Variants in AMPH observed in about 807,000 individuals in gnomAD.
AMPH encodes the protein amphiphysin, also known as amphiphysin (Stiff-Mann syndrome with breast cancer 128kD autoantigen).
A neutral mutation model predicts 99.1 loss-of-function variants in AMPH; 49 were observed. That is an observed-to-expected ratio of 0.49 (90% CI 0.39 to 0.63). AMPH has a LOEUF of 0.63. AMPH is among the 20% of genes least tolerant of loss of function. AMPH has a pLI of 0.00. For missense variants in AMPH, 759 were observed against 863.4 expected, an observed-to-expected ratio of 0.88 and a Z score of 1.52; for synonymous variants, 314 against 317.3, an observed-to-expected ratio of 0.99 and a Z score of 0.11.
chr7:38,429,255 G>C (rs1248713925), intron 14 of AMPH: 7 of 1,286,394 alleles, frequency 5.4e-6, no homozygotes, highest in Non-Finnish European at 7.1e-6. Flanking sequence ...CTCCGGCGCA[G>C]GCTTTGGGGG....
intron 11 of AMPH, among the ~76,000 whole-genome samples, chr7:38,446,273 T>A (rs1309621416): frequency 6.6e-6 from 1 of 152,194 alleles, no homozygotes; most frequent in Non-Finnish European, 1.5e-5. Context: ...AAAATTAAAT[T>A]TATTCCTAAC....
intron 2 of AMPH, among the ~76,000 whole-genome samples, chr7:38,504,542 G>A (rs754475493): frequency 1.6e-4 from 25 of 152,180 alleles, no homozygotes; most frequent in Non-Finnish European, 3.1e-4. Flanking sequence ...ACCACTGTGG[G>A]CAACTGGACC....
intron 1 of AMPH, among the ~76,000 whole-genome samples, chr7:38,611,950 G>A (rs189580633): frequency 6.6e-5 from 10 of 152,152 alleles, no homozygotes; most frequent in African/African-American, 1.7e-4. Context: ...CCTCAAACAC[G>A]GTCTGTCTAC....
intron 1 of AMPH, among the ~76,000 whole-genome samples, chr7:38,598,837 G>GT (rs145170608): frequency 0.15 from 23,180 of 151,886 alleles, 2,068 homozygotes; most frequent in Non-Finnish European, 0.21. Flanking sequence ...ATTTCTGCTT[G>GT]TAATCTTGAT....
Position 38,465,506 on chromosome 7 carries a change from TG to T in AMPH, c.709del (p.Gln237SerfsTer45). 1 of 1,586,122 alleles carries T rather than the reference TG, an allele frequency of 6.3e-7. No individual in the cohort carries two copies. The highest frequency in any genetic ancestry group is 8.6e-7 in the Non-Finnish European group (1 of 1,164,482). ...GATGGTGAAGGCCTTGTCGGCGTGC[TG>T]GTCACCCAGTTTTGTCATCACTTCA... ...LYEVMTKLGDQHADKAFTIQG... is the reference protein window; with the variant it reads ...LYEVMTKLGDXHADKAFTIQG... On this transcript the variant is annotated frameshift_variant, in exon 9 of 21. Transcript: ENST00000356264. LOFTEE classifies it high-confidence loss of function.
intron 17 of AMPH, among the ~76,000 whole-genome samples, chr7:38,397,331 C>A (rs556191831): frequency 6.6e-6 from 1 of 152,282 alleles, no homozygotes; most frequent in Non-Finnish European, 1.5e-5. Flanking sequence ...ATTTTTTAAA[C>A]TTGTTCCATA....
At chr7:38,614,492 T>A (rs1793801726) in intron 1 of AMPH, among the ~76,000 whole-genome samples, 1 of 152,324 alleles carries the variant, frequency 6.6e-6, no homozygotes, top group East Asian at 1.9e-4. Flanking sequence ...AGTTCTCTGA[T>A]GGCCTGGGAA....
intron 5 of AMPH, among the ~76,000 whole-genome samples, chr7:38,490,366 A>G (rs1365215129): frequency 2.6e-5 from 4 of 152,146 alleles, no homozygotes; most frequent in Non-Finnish European, 4.4e-5. Context: ...AGTTTCATTT[A>G]CCATATACCA....
At chr7:38,416,684 A>G (rs1160408028) in intron 17 of AMPH, among the ~76,000 whole-genome samples, 8 of 152,204 alleles carry the variant, frequency 5.3e-5, no homozygotes, top group African/African-American at 1.7e-4. Flanking sequence ...GTGAGTAGAC[A>G]GATCACCATT....
intron 5 of AMPH, among the ~76,000 whole-genome samples, chr7:38,484,064 T>A (rs1788395675): frequency 6.6e-6 from 1 of 151,944 alleles, no homozygotes. Context: ...AATCATTTGG[T>A]CAGAGGAACA....
At position 38,600,267 on chromosome 7, in the gene AMPH, A is replaced by G. The variant is rs10280572; in HGVS notation, c.69+31016T>C. On this transcript the variant is annotated intron_variant, in intron 1 of 20. Transcript: ENST00000356264. ...ATCATGAGTTTTAAGCAAATATTTA[A>G]ATTTTTCTTTGTATCTGTTTATCAT... Among the ~76,000 whole-genome samples, 193 of 152,224 alleles carry G rather than the reference A, an allele frequency of 1.3e-3. 2 individuals carry two copies. In the South Asian group the frequency reaches 0.024, roughly 19 times the overall value.
intron 2 of AMPH, among the ~76,000 whole-genome samples, chr7:38,518,733 T>C (rs768002517): frequency 8.5e-5 from 13 of 152,184 alleles, no homozygotes; most frequent in Non-Finnish European, 1.9e-4. Context: ...CATCCACATA[T>C]GATTTATACA....
intron 1 of AMPH, among the ~76,000 whole-genome samples, chr7:38,588,104 C>T (rs1792731674): frequency 6.6e-6 from 1 of 152,010 alleles, no homozygotes; most frequent in Non-Finnish European, 1.5e-5. Context: ...GTGTGCGCCA[C>T]CTCACCTGGC....
intron 17 of AMPH, among the ~76,000 whole-genome samples, chr7:38,407,881 T>C (rs1480143426): frequency 1.3e-5 from 2 of 152,216 alleles, no homozygotes; most frequent in Non-Finnish European, 2.9e-5. Context: ...CTGATTCTGA[T>C]TCATAAGCAG....
At chr7:38,463,383 C>T (rs1268878775) in intron 9 of AMPH, among the ~76,000 whole-genome samples, 1 of 152,134 alleles carries the variant, frequency 6.6e-6, no homozygotes, top group African/African-American at 2.4e-5. Flanking sequence ...TAAAGTGGGG[C>T]ATAGATAGGT....
At chr7:38,446,428 C>T (rs759665817) in intron 11 of AMPH, among the ~76,000 whole-genome samples, 4 of 152,078 alleles carry the variant, frequency 2.6e-5, no homozygotes, top group Non-Finnish European at 5.9e-5. Context: ...CATCAGATAA[C>T]TTGTGATATA....
chr7:38,618,372 C>T lies in AMPH; in HGVS notation c.69+12911G>A, dbSNP rs1237385707. On this transcript the variant is annotated intron_variant, in intron 1 of 20. Coordinates refer to ENST00000356264, the MANE Select transcript of AMPH (RefSeq NM_001635.4). ...CAAAAAAAAAAAAAAATTAGCCACG[C>T]GTGGTGGCATGCACCTGTAGTCCCA... Among the ~76,000 whole-genome samples the T allele has an allele frequency of 7.9e-5, 12 of 151,620 alleles. No homozygotes were observed. The South Asian group carries it at 1.5e-3, about 18-fold the overall frequency.
rs1206301631 is a variant in AMPH, at chr7:38,527,006, T to C, written c.150+7925A>G. ...GGATGCCCAGTTACTATGGCACCGT[T>C]TGTTGAAAGGTTATCTTTCTTCCAC... On this transcript the variant is annotated intron_variant, in intron 2 of 20. Transcript: ENST00000356264. 3.9e-5 allele frequency among the ~76,000 whole-genome samples: 6 copies of C among 152,374 alleles called. No homozygotes were observed. In the East Asian group the frequency reaches 1.2e-3, roughly 29 times the overall value.
At chr7:38,397,045 C>G (rs1431073992) in intron 17 of AMPH, among the ~76,000 whole-genome samples, 1 of 152,194 alleles carries the variant, frequency 6.6e-6, no homozygotes, top group Non-Finnish European at 1.5e-5. Context: ...AGCTTGGAAG[C>G]AGATGGACTC....
Sources: allele counts gnomAD v4.1 joint callset (sites outside exome capture counted in the v4.1 genomes callset), GRCh38; gene constraint gnomAD v4.1.1; transcripts MANE v1.5; gene names NCBI Gene and HGNC (gene_info 2026-07-23, HGNC 2026-07-21).